ZNF44: variants seen among roughly 807,000 people sequenced by gnomAD.
ZNF44 encodes the protein gonadotropin inducible transcription repressor-2.
ZNF44 carries 9 observed loss-of-function variants against 11.7 expected under a neutral mutation model. The observed-to-expected ratio is 0.77, with a 90% CI of 0.46 to 1.35. The LOEUF (loss-of-function observed/expected upper bound fraction) is 1.35, where lower values mean the gene tolerates loss of function less well. Ranked by LOEUF, ZNF44 falls within the 40% of genes most tolerant of loss-of-function variation. The pLI, the probability that ZNF44 is intolerant of heterozygous loss-of-function variation, is 0.00. For synonymous variants in ZNF44, 224 were observed against 242.7 expected (o/e 0.92, Z 0.72); for missense variants, 696 against 743.1 (o/e 0.94, Z 0.74).
chr19:12,259,157 G>A (rs979369384), intron 5 of ZNF44, among the ~76,000 whole-genome samples: 3 of 152,164 alleles, frequency 2.0e-5, no homozygotes, highest in African/African-American at 7.2e-5. Flanking sequence ...TTACAGGCAT[G>A]AGCCACCGCA....
At chr19:12,270,362 G>C (rs952710171), downstream of ZNF44, among the ~76,000 whole-genome samples, 12 of 151,902 alleles carry the variant, frequency 7.9e-5, no homozygotes, top group Non-Finnish European at 1.2e-4. Flanking sequence ...AAGTGTAAGT[G>C]ATGTTCTTGC....
downstream of ZNF44, among the ~76,000 whole-genome samples, chr19:12,271,159 C>A (rs532979933): frequency 1.7e-4 from 26 of 152,206 alleles, no homozygotes; most frequent in African/African-American, 6.3e-4. Context: ...GCATCTATAG[C>A]CTCTGCAAGT....
chr19:12,256,365 T>A lies in ZNF44; in HGVS notation c.1913-5997A>T, dbSNP rs540098328. ...TTAGCCAGGCATGGTGGTGTATGCC[T>A]GTAATCCCAGCTACTCAGGAGGCTG... On this transcript the variant is annotated intron_variant and NMD_transcript_variant, in intron 5 of 7. Coordinates refer to the ZNF44 transcript ENST00000393337. 3.9e-5 allele frequency among the ~76,000 whole-genome samples: 6 copies of A among 152,198 alleles called. No homozygotes were observed. In the South Asian group the frequency reaches 1.2e-3, roughly 32 times the overall value.
In ZNF44 at chr19:12,273,988, A is replaced by G. The variant is rs752858321; in HGVS notation, c.267T>C (p.Asn89=). The change falls in exon 4 of 4, where the codon AAT becomes AAC. Residue 89 remains asparagine, a synonymous_variant. Coordinates refer to ENST00000355684, the MANE Select transcript of ZNF44 (RefSeq NM_016264.4). ...CGGGAGTGTTCTTGTTTACAATACT[A>G]TTTCGAATCTGGCTTAAGGTTTCTC... ...QCGETLSQIR[N]SIVNKNTPAR... The G allele has an allele frequency of 2.5e-6, 4 of 1,614,012 alleles. No individual in the cohort carries two copies. Among genetic ancestry groups the G allele is most frequent in the Non-Finnish European group, 3.4e-6 (4 of 1,179,980 alleles).
At chr19:12,285,380 C>T (rs1222522983) in intron 1 of ZNF44, among the ~76,000 whole-genome samples, 2 of 152,044 alleles carry the variant, frequency 1.3e-5, no homozygotes, top group African/African-American at 4.8e-5. Context: ...CTCAGCCTCC[C>T]GAGTAGCTGG....
At chr19:12,280,183 C>T (rs1967413872) in intron 1 of ZNF44, among the ~76,000 whole-genome samples, 1 of 152,034 alleles carries the variant, frequency 6.6e-6, no homozygotes, top group Non-Finnish European at 1.5e-5. Context: ...CATGCCATTG[C>T]ACTCCAGCCT....
At chr19:12,256,421 G>A (rs566472699) in intron 5 of ZNF44, among the ~76,000 whole-genome samples, 13 of 152,140 alleles carry the variant, frequency 8.5e-5, no homozygotes, top group Admixed American at 2.0e-4. Flanking sequence ...CCTGGGAGGC[G>A]GAGATTGCAG....
At chr19:12,234,166 A>G (rs1442749232) in intron 2 of ZNF44, among the ~76,000 whole-genome samples, 1 of 152,134 alleles carries the variant, frequency 6.6e-6, no homozygotes, top group Non-Finnish European at 1.5e-5. Context: ...TCTGCCATGT[A>G]TGAATTGTTT....
chr19:12,281,647 A>T (rs1332207361), intron 1 of ZNF44, among the ~76,000 whole-genome samples: 1 of 152,194 alleles, frequency 6.6e-6, no homozygotes, highest in African/African-American at 2.4e-5. Context: ...CTTTGGAAAC[A>T]TCATTAAAAT....
rs759530650 is a variant in ZNF44 at position 12,250,418 on chromosome 19, C to G, written c.1913-50G>C. ...AGGAGAATGGGTGAGACTGACAGCA[C>G]TGGACATCTATACTCGAGTCATAAG... On this transcript the variant is annotated intron_variant and NMD_transcript_variant, in intron 5 of 7. Coordinates refer to the ZNF44 transcript ENST00000393337. 5 of 1,298,244 alleles carry G rather than the reference C, an allele frequency of 3.9e-6. No homozygotes were observed. The South Asian group carries it at 6.3e-5, about 16-fold the overall frequency. The allele number at this position is 1,298,244 out of a possible 1,614,324, so 80.4% of individuals were successfully genotyped here. A position where few individuals can be genotyped will look rare whatever the true frequency, so the allele number is the denominator to read the frequency against.
Position 12,273,129 on chromosome 19 carries a change from G to T in ZNF44, c.1126C>A (p.His376Asn). 6.2e-7 allele frequency: 1 copy of T among 1,613,684 alleles called. No homozygotes were observed. The highest frequency in any genetic ancestry group is 8.5e-7 in the Non-Finnish European group (1 of 1,179,698). Residue 376 changes from histidine (H) to asparagine (N), a missense_variant, in exon 4 of 4, where the codon CAT becomes AAT. By Grantham distance (68) the His-to-Asn change is moderately conservative. Transcript: ENST00000355684. ...ECKQCGKLLS[H>N]RSSFRRHMMA... ...ATGTGTCTTCGAAAGCTTGAGCGAT[G>T]AGATAACAATTTCCCACATTGCTTA...
At chr19:12,254,157 C>A (rs1917143620) in intron 5 of ZNF44, among the ~76,000 whole-genome samples, 1 of 146,856 alleles carries the variant, frequency 6.8e-6, no homozygotes. Flanking sequence ...AAACCTAATC[C>A]AGAAGATCAC....
chr19:12,267,037 T>C (rs1917759884), downstream of ZNF44, among the ~76,000 whole-genome samples: 1 of 141,484 alleles, frequency 7.1e-6, no homozygotes, highest in Non-Finnish European at 1.5e-5. Flanking sequence ...TCATTTTTTC[T>C]TTTTTCTTTT....
intron 1 of ZNF44, among the ~76,000 whole-genome samples, chr19:12,294,211 A>G (rs383725): frequency 0.43 from 65,162 of 152,034 alleles, 16,627 homozygotes; most frequent in African/African-American, 0.73. Context: ...TCCAGTCCCA[A>G]GATTCACCCC....
intron 5 of ZNF44, among the ~76,000 whole-genome samples, chr19:12,256,723 C>T (rs376333356): frequency 5.1e-4 from 58 of 113,448 alleles, no homozygotes; most frequent in African/African-American, 1.7e-3. Context: ...TTTTTTGAGA[C>T]GGAGTCTTGC....
downstream of ZNF44, chr19:12,247,529 T>G: frequency 1.5e-6 from 2 of 1,350,910 alleles, no homozygotes; most frequent in Non-Finnish European, 2.0e-6. Flanking sequence ...ATTCATAAGG[T>G]TTCTCTCCAG....
At chr19:12,227,074 A>G (rs914040127) in intron 3 of ZNF44, among the ~76,000 whole-genome samples, 15 of 152,002 alleles carry the variant, frequency 9.9e-5, no homozygotes, top group Non-Finnish European at 1.5e-4. Context: ...AAAACAAACA[A>G]ACAAAAAAGA....
At chr19:12,271,235 T>C (rs1966939693), downstream of ZNF44, among the ~76,000 whole-genome samples, 1 of 152,190 alleles carries the variant, frequency 6.6e-6, no homozygotes, top group South Asian at 2.1e-4. Context: ...CTGTGTCATA[T>C]AAGGGAAAAT....
At chr19:12,275,074 A>G in intron 2 of ZNF44, 41 bp from the exon 3 acceptor site, 1 of 1,434,394 alleles carries the variant, frequency 7.0e-7, no homozygotes, top group Non-Finnish European at 9.5e-7. Context: ...AATTATTACA[A>G]AATGATACAA....
Sources: allele counts gnomAD v4.1 joint callset (sites outside exome capture counted in the v4.1 genomes callset), GRCh38; gene constraint gnomAD v4.1.1; transcripts MANE v1.5; gene names NCBI Gene and HGNC (gene_info 2026-07-23, HGNC 2026-07-21).